CNTN4: variants seen among roughly 807,000 people sequenced by gnomAD.
CNTN4 encodes the protein contactin 4.
CNTN4 carries 77 observed loss-of-function variants against 122.5 expected under a neutral mutation model. That is an observed-to-expected ratio of 0.63 (90% CI 0.52 to 0.76). The LOEUF (loss-of-function observed/expected upper bound fraction) is 0.76, where lower values mean the gene tolerates loss of function less well. Among genes scored for constraint, CNTN4 ranks in the 30% least tolerant of loss-of-function variants. The pLI is 0.00. For synonymous variants in CNTN4, 512 were observed against 447.0 expected, an observed-to-expected ratio of 1.15 and a Z score of -1.83; for missense variants, 1,256 against 1,259.1, an observed-to-expected ratio of 1.00 and a Z score of 0.04.
At chr3:2,484,773 C>T (rs535351919) in intron 3 of CNTN4, among the ~76,000 whole-genome samples, 18 of 152,346 alleles carry the variant, frequency 1.2e-4, no homozygotes, top group South Asian at 1.0e-3. Context: ...AGCCCTTGCT[C>T]GCTCTCCGCA....
At chr3:2,156,385 T>C (rs1453415127) in intron 2 of CNTN4, among the ~76,000 whole-genome samples, 2 of 152,104 alleles carry the variant, frequency 1.3e-5, no homozygotes, top group African/African-American at 4.8e-5. Context: ...ACAGCAGAGT[T>C]CATTGCAGCA....
At chr3:2,464,904 C>T (rs1389208972) in intron 3 of CNTN4, among the ~76,000 whole-genome samples, 1 of 152,140 alleles carries the variant, frequency 6.6e-6, no homozygotes, top group African/African-American at 2.4e-5. Flanking sequence ...CTTTGATAAC[C>T]TTATAGGCTC....
chr3:2,541,654 T>C (rs1016284401), intron 3 of CNTN4, among the ~76,000 whole-genome samples: 1 of 152,106 alleles, frequency 6.6e-6, no homozygotes, highest in African/African-American at 2.4e-5. Context: ...TTAAAATTAA[T>C]TGGCAGTCAA....
At chr3:2,728,051 G>A (rs765852132) in intron 4 of CNTN4, among the ~76,000 whole-genome samples, 1 of 152,090 alleles carries the variant, frequency 6.6e-6, no homozygotes, top group Admixed American at 6.5e-5. Context: ...TAGGCACTTG[G>A]GTAAGGCCTT....
At position 2,173,672 on chromosome 3, in the gene CNTN4, G is replaced by A. The variant is rs73806373; in HGVS notation, c.-145+73033G>A. ...TTTCGGATGTTCGAAGGTCAACTCA[G>A]CTACTTACTTCCTTTTATAATTTGG... On this transcript the variant is annotated intron_variant, in intron 2 of 24. Coordinates refer to ENST00000418658, the MANE Select transcript of CNTN4 (RefSeq NM_175607.3). Among the ~76,000 whole-genome samples the A allele has an allele frequency of 3.5e-3, 526 of 151,536 alleles. 2 individuals carry two copies. The highest frequency in any genetic ancestry group is 0.012 in the African/African-American group (501 of 41,450).
chr3:2,861,067 C>G (rs547688878), intron 7 of CNTN4, among the ~76,000 whole-genome samples: 4 of 152,250 alleles, frequency 2.6e-5, no homozygotes, highest in East Asian at 1.9e-4. Context: ...AAAAGAAACT[C>G]TAAGAATTTA....
rs1574885628 is a variant in CNTN4 at position 2,125,326 on chromosome 3, T to TTA, written c.-145+24688_-145+24689insAT. ...TTTTTCAAGGCTGAGTAACATTCTA[T>TTA]TCTCTGTGTGTGTGTGTGTGTGTGT... On this transcript the variant is annotated intron_variant, in intron 2 of 24. Transcript: ENST00000418658. Among the ~76,000 whole-genome samples the TTA allele has an allele frequency of 3.5e-5, 3 of 86,934 alleles. No homozygotes were observed. The East Asian group carries it at 1.1e-3, about 32-fold the overall frequency. 57.0% of individuals were successfully genotyped at this position (86,934 alleles called of 152,430 possible).
chr3:2,557,808 G>A (rs769660381), intron 3 of CNTN4, among the ~76,000 whole-genome samples: 2 of 150,208 alleles, frequency 1.3e-5, no homozygotes, highest in South Asian at 2.1e-4. Flanking sequence ...ACGTTTGACC[G>A]TTCAGCAGTC....
At chr3:2,796,289 G>C (rs189603416) in intron 6 of CNTN4, among the ~76,000 whole-genome samples, 2 of 152,036 alleles carry the variant, frequency 1.3e-5, no homozygotes, top group East Asian at 3.9e-4. Flanking sequence ...GTTTCTTAAA[G>C]GATTATATTT....
At chr3:2,584,009 G>A (rs1169874404) in intron 4 of CNTN4, among the ~76,000 whole-genome samples, 3 of 152,120 alleles carry the variant, frequency 2.0e-5, no homozygotes, top group Non-Finnish European at 4.4e-5. Context: ...AAAAATCTGG[G>A]TTCAAAACCT....
rs140636741 is a variant in CNTN4, at chr3:2,697,176, T to C, written c.56-39039T>C. On this transcript the variant is annotated intron_variant, in intron 4 of 24. Transcript: ENST00000418658. ...TAAGAAATTGTCTTTTCAATAACTT[T>C]TTAGTGTAATTAAGGAGATCATGCA... Among the ~76,000 whole-genome samples, 681 of 152,268 alleles carry C rather than the reference T, an allele frequency of 4.5e-3. 3 individuals carry two copies. Among genetic ancestry groups the C allele is most frequent in the African/African-American group, 0.016 (656 of 41,544 alleles).
intron 4 of CNTN4, among the ~76,000 whole-genome samples, chr3:2,613,450 A>C (rs1169973677): frequency 6.6e-6 from 1 of 152,170 alleles, no homozygotes; most frequent in South Asian, 2.1e-4. Context: ...GTAGAAAAAA[A>C]AGAAAAGAGA....
chr3:2,671,578 C>T (rs1409658250), intron 4 of CNTN4, among the ~76,000 whole-genome samples: 1 of 152,090 alleles, frequency 6.6e-6, no homozygotes, highest in Admixed American at 6.5e-5. Flanking sequence ...CTGAAGCCTT[C>T]TTCTCTCAAC....
intron 6 of CNTN4, among the ~76,000 whole-genome samples, chr3:2,783,861 TC>T (rs2091705841): frequency 6.6e-6 from 1 of 152,230 alleles, no homozygotes; most frequent in Non-Finnish European, 1.5e-5. Flanking sequence ...TCATGATGAA[TC>T]CGTTCTTTAG....
At chr3:2,911,669 T>C (rs1298218620) in intron 12 of CNTN4, among the ~76,000 whole-genome samples, 2 of 152,034 alleles carry the variant, frequency 1.3e-5, no homozygotes, top group Non-Finnish European at 2.9e-5. Flanking sequence ...ACAGTACAGA[T>C]AGATAACTAA....
intron 2 of CNTN4, among the ~76,000 whole-genome samples, chr3:2,225,822 A>T (rs1575120527): frequency 6.6e-6 from 1 of 152,148 alleles, no homozygotes; most frequent in South Asian, 2.1e-4. Context: ...CTGTCTAGGA[A>T]GTTGTCATGA....
chr3:2,989,295 C>G (rs1286123065), intron 14 of CNTN4, among the ~76,000 whole-genome samples: 1 of 152,102 alleles, frequency 6.6e-6, no homozygotes, highest in Non-Finnish European at 1.5e-5. Context: ...TCACGAGTAG[C>G]AGGAGACCTG....
intron 3 of CNTN4, among the ~76,000 whole-genome samples, chr3:2,491,142 A>C (rs917712096): frequency 2.0e-5 from 3 of 152,180 alleles, no homozygotes; most frequent in African/African-American, 7.2e-5. Context: ...TATTGTGCCT[A>C]ATATATCTCT....
intron 2 of CNTN4, among the ~76,000 whole-genome samples, chr3:2,255,505 C>A (rs1189727334): frequency 6.6e-6 from 1 of 152,144 alleles, no homozygotes; most frequent in South Asian, 2.1e-4. Flanking sequence ...CCACATCGCA[C>A]TTAATTATTG....
Sources: allele counts gnomAD v4.1 joint callset (sites outside exome capture counted in the v4.1 genomes callset), GRCh38; gene constraint gnomAD v4.1.1; transcripts MANE v1.5; gene names NCBI Gene and HGNC (gene_info 2026-07-23, HGNC 2026-07-21).